Variants in NAALADL2 observed in about 807,000 individuals in gnomAD.
The protein encoded by NAALADL2 is inactive N-acetylated-alpha-linked acidic dipeptidase-like protein 2.
A neutral mutation model predicts 87.2 loss-of-function variants in NAALADL2; 76 were observed. The observed-to-expected ratio is 0.87, with a 90% CI of 0.72 to 1.05. The LOEUF is 1.05. NAALADL2 is among the 50% of genes least tolerant of loss of function. The probability of loss-of-function intolerance (pLI) is 0.00; values close to 1 mark genes in which losing one functional copy is unlikely to be tolerated. For synonymous variants in NAALADL2, 354 were observed against 331.0 expected, an observed-to-expected ratio of 1.07 and a Z score of -0.75; for missense variants, 1,089 against 945.8, an observed-to-expected ratio of 1.15 and a Z score of -1.99.
At chr3:174,576,389 A>G (rs1715532485) in intron 2 of NAALADL2, among the ~76,000 whole-genome samples, 1 of 152,230 alleles carries the variant, frequency 6.6e-6, no homozygotes, top group Admixed American at 6.5e-5. Context: ...TGAGGGGACT[A>G]TAGATATATT....
At chr3:174,720,946 G>A (rs1214781077) in intron 2 of NAALADL2, among the ~76,000 whole-genome samples, 2 of 152,090 alleles carry the variant, frequency 1.3e-5, no homozygotes, top group Non-Finnish European at 2.9e-5. Context: ...ACTTTAAAAC[G>A]ATTTTTTACA....
intron 3 of NAALADL2, among the ~76,000 whole-genome samples, chr3:174,777,230 G>T (rs1246199958): frequency 6.6e-6 from 1 of 151,958 alleles, no homozygotes; most frequent in Admixed American, 6.6e-5. Flanking sequence ...AATGACATGT[G>T]CATGTATTTT....
At chr3:174,900,029 A>C (rs896701212) in intron 1 of NAALADL2, among the ~76,000 whole-genome samples, 1 of 152,148 alleles carries the variant, frequency 6.6e-6, no homozygotes, top group Non-Finnish European at 1.5e-5. Context: ...ATATTTGTTT[A>C]GAAGTTTGGC....
intron 10 of NAALADL2, among the ~76,000 whole-genome samples, chr3:175,582,441 G>T (rs773449598): frequency 3.3e-5 from 5 of 152,098 alleles, no homozygotes; most frequent in Non-Finnish European, 7.4e-5. Context: ...TAATTCTAAT[G>T]CTGCTTTCAG....
chr3:175,343,678 C>CTTTTTTTTTTTTTTTTTTTTT (rs1581505068), intron 5 of NAALADL2, among the ~76,000 whole-genome samples: 1 of 49,148 alleles, frequency 2.0e-5, no homozygotes, highest in Non-Finnish European at 4.1e-5. Context: ...TTTTTTTTTC[C>CTTTTTTTTTTTTTTTTTTTTT]CTTCCCACTG....
At chr3:174,787,604 T>TATACATATATATATATATACAC (rs1716929613) in intron 3 of NAALADL2, among the ~76,000 whole-genome samples, 2 of 87,936 alleles carry the variant, frequency 2.3e-5, no homozygotes, top group South Asian at 5.0e-4. Flanking sequence ...TATATATATA[T>TATACATATATATATATATACAC]ATATATATAT....
intron 3 of NAALADL2, among the ~76,000 whole-genome samples, chr3:175,238,107 T>C (rs1433216437): frequency 6.6e-6 from 1 of 152,166 alleles, no homozygotes; most frequent in East Asian, 1.9e-4. Context: ...GAGAGTTTTC[T>C]ACATGTTTAT....
At chr3:175,289,364 T>A (rs12638650) in intron 4 of NAALADL2, among the ~76,000 whole-genome samples, 112,911 of 151,588 alleles carry the variant, frequency 0.74, 42,495 homozygotes, top group Non-Finnish European at 0.79. Flanking sequence ...ATAAGTACAA[T>A]AATAGATGTC....
At chr3:175,166,305 T>C (rs1733998604) in intron 2 of NAALADL2, among the ~76,000 whole-genome samples, 1 of 152,066 alleles carries the variant, frequency 6.6e-6, no homozygotes, top group Non-Finnish European at 1.5e-5. Flanking sequence ...GACTTGTGCT[T>C]CTGATTCTCA....
intron 2 of NAALADL2, among the ~76,000 whole-genome samples, chr3:175,165,414 G>A (rs1733842552): frequency 6.6e-6 from 1 of 151,890 alleles, no homozygotes; most frequent in South Asian, 2.1e-4. Context: ...ATCAATAGAG[G>A]ACCTTCAACA....
chr3:175,121,982 T>A (rs1273567648), intron 2 of NAALADL2, among the ~76,000 whole-genome samples: 1 of 151,818 alleles, frequency 6.6e-6, no homozygotes, highest in Non-Finnish European at 1.5e-5. Flanking sequence ...ACTGCCACAA[T>A]GGCGACACAT....
intron 1 of NAALADL2, among the ~76,000 whole-genome samples, chr3:174,927,089 A>T (rs1243150645): frequency 1.5e-4 from 23 of 152,106 alleles, no homozygotes; most frequent in Admixed American, 1.4e-3. Flanking sequence ...ACTTTAAACC[A>T]ACAAAAATCA....
chr3:175,509,357 G>T (rs959865876), intron 9 of NAALADL2, among the ~76,000 whole-genome samples: 5 of 152,080 alleles, frequency 3.3e-5, no homozygotes, highest in African/African-American at 1.2e-4. Flanking sequence ...AACATATTTT[G>T]CCCTGTAGGG....
chr3:175,534,765 A>G (rs1734575657), intron 9 of NAALADL2, among the ~76,000 whole-genome samples: 1 of 151,794 alleles, frequency 6.6e-6, no homozygotes, highest in Non-Finnish European at 1.5e-5. Flanking sequence ...TAAAAGAATG[A>G]TCTTTCTCCA....
intron 1 of NAALADL2, among the ~76,000 whole-genome samples, chr3:175,011,192 GC>G (rs1749731668): frequency 6.6e-6 from 1 of 151,682 alleles, no homozygotes; most frequent in South Asian, 2.1e-4. Context: ...TAGTTGAGGG[GC>G]CCACAGAAGG....
intron 3 of NAALADL2, among the ~76,000 whole-genome samples, chr3:174,790,337 T>A (rs916911961): frequency 2.0e-5 from 3 of 152,126 alleles, no homozygotes; most frequent in Non-Finnish European, 4.4e-5. Flanking sequence ...CATGCCTTTT[T>A]AAAAAGAATG....
At chr3:175,080,284 A>G (rs1302770128) in intron 1 of NAALADL2, among the ~76,000 whole-genome samples, 1 of 152,214 alleles carries the variant, frequency 6.6e-6, no homozygotes, top group Non-Finnish European at 1.5e-5. Flanking sequence ...TATTTTTAGA[A>G]TAACTGTTAA....
At chr3:174,504,085 G>A (rs956209010) in intron 1 of NAALADL2, among the ~76,000 whole-genome samples, 11 of 152,040 alleles carry the variant, frequency 7.2e-5, no homozygotes, top group African/African-American at 2.7e-4. Flanking sequence ...AAATTCTCAG[G>A]TATTGTAGGC....
intron 8 of NAALADL2, among the ~76,000 whole-genome samples, chr3:175,471,294 G>A (rs183433970): frequency 1.7e-4 from 26 of 151,760 alleles, no homozygotes; most frequent in African/African-American, 5.8e-4. Context: ...GACCATCCTC[G>A]CTAACATGGT....
Sources: allele counts gnomAD v4.1 joint callset (sites outside exome capture counted in the v4.1 genomes callset), GRCh38; gene constraint gnomAD v4.1.1; transcripts MANE v1.5; gene names NCBI Gene and HGNC (gene_info 2026-07-23, HGNC 2026-07-21).